Variants in DCC observed in about 807,000 individuals in gnomAD.
DCC encodes netrin receptor DCC.
DCC carries 58 observed loss-of-function variants against 172.5 expected under a neutral mutation model. The ratio of observed to expected loss-of-function variants is 0.34; its 90% CI spans 0.27 to 0.42. The LOEUF (loss-of-function observed/expected upper bound fraction) is 0.42. Among genes scored for constraint, DCC ranks in the 10% least tolerant of loss-of-function variants. DCC has a pLI of 1.00. For missense variants in DCC, 1,740 were observed against 1,791.0 expected, an observed-to-expected ratio of 0.97 and a Z score of 0.51; for synonymous variants, 709 against 644.5, an observed-to-expected ratio of 1.10 and a Z score of -1.52.
intron 5 of DCC, among the ~76,000 whole-genome samples, chr18:53,020,256 GATTTGGC>G (rs2041861489): frequency 6.6e-6 from 1 of 152,100 alleles, no homozygotes; most frequent in African/African-American, 2.4e-5. Context: ...CTTTTGGCTT[GATTTGGC>G]CATAGATCAT....
rs1025519185 is a variant in DCC at position 52,637,593 on chromosome 18, A to T, written c.92-114461A>T. Among the ~76,000 whole-genome samples the T allele has an allele frequency of 1.2e-4, 18 of 152,344 alleles. No homozygotes were observed. In the East Asian group the frequency reaches 3.3e-3, roughly 28 times the overall value. ...CAGAGCTCAAAGACACGATCTTCGA[A>T]TTAGCCCAATCCAACAAAGGCAAAG... On this transcript the variant is annotated intron_variant, in intron 1 of 28. Coordinates refer to ENST00000442544, the MANE Select transcript of DCC (RefSeq NM_005215.4).
At chr18:52,954,445 G>T (rs1005461990) in intron 5 of DCC, among the ~76,000 whole-genome samples, 8 of 151,978 alleles carry the variant, frequency 5.3e-5, no homozygotes, top group Non-Finnish European at 1.2e-4. Context: ...TCTGCCAATA[G>T]TCATTTGGGG....
chr18:53,521,360 G>T (rs1318127189), intron 27 of DCC, among the ~76,000 whole-genome samples: 1 of 152,106 alleles, frequency 6.6e-6, no homozygotes, highest in African/African-American at 2.4e-5. Flanking sequence ...GTAATAATAG[G>T]AGTGTGGTTG....
At chr18:52,709,536 T>A (rs1020115998) in intron 1 of DCC, among the ~76,000 whole-genome samples, 1 of 152,186 alleles carries the variant, frequency 6.6e-6, no homozygotes, top group Non-Finnish European at 1.5e-5. Flanking sequence ...GGAAGGAACT[T>A]GACCTGTGTG....
At chr18:53,425,757 T>C (rs1270470088) in intron 21 of DCC, among the ~76,000 whole-genome samples, 1 of 152,148 alleles carries the variant, frequency 6.6e-6, no homozygotes, top group Non-Finnish European at 1.5e-5. Context: ...AAACCCTGTG[T>C]TTATTCATCT....
At position 53,428,183 on chromosome 18, in the gene DCC, T is replaced by A. The variant is rs1480784847; in HGVS notation, c.3164-6961T>A. Among the ~76,000 whole-genome samples, 4 of 47,540 alleles carry A rather than the reference T, an allele frequency of 8.4e-5. 1 individual carries two copies. Among genetic ancestry groups the A allele is most frequent in the Non-Finnish European group, 1.9e-4 (4 of 20,604 alleles). 31.2% of individuals were successfully genotyped at this position (47,540 alleles called of 152,430 possible). On this transcript the variant is annotated intron_variant, in intron 21 of 28. Transcript: ENST00000442544. ...ATAATAATATATAATATGTAATATA[T>A]AATATAGAATATATAATATTATATA...
intron 5 of DCC, among the ~76,000 whole-genome samples, chr18:53,058,443 C>G (rs1015142729): frequency 6.6e-6 from 1 of 151,988 alleles, no homozygotes; most frequent in African/African-American, 2.4e-5. Context: ...TAAAATGGTA[C>G]TTCCCATTAC....
At chr18:53,323,594 G>T (rs1471288374) in intron 14 of DCC, among the ~76,000 whole-genome samples, 1 of 152,114 alleles carries the variant, frequency 6.6e-6, no homozygotes, top group Non-Finnish European at 1.5e-5. Context: ...GTTAAAACCT[G>T]ATTGGGTACT....
chr18:53,446,577 G>A (rs369418545), intron 22 of DCC, among the ~76,000 whole-genome samples: 2 of 152,190 alleles, frequency 1.3e-5, no homozygotes, highest in East Asian at 1.9e-4. Context: ...GTCTTTTGAT[G>A]TATTAAGATA....
intron 2 of DCC, among the ~76,000 whole-genome samples, chr18:52,848,203 A>C (rs2038925373): frequency 6.8e-6 from 1 of 147,012 alleles, no homozygotes; most frequent in African/African-American, 2.5e-5. Flanking sequence ...CTCCTGCCCC[A>C]GCCTCCGGAG....
rs1440409224 is a variant in DCC, at chr18:53,322,032, A to C, written c.2054-15A>C. 1 of 1,490,250 alleles carries C rather than the reference A, an allele frequency of 6.7e-7. No homozygotes were observed. Among genetic ancestry groups the C allele is most frequent in the Non-Finnish European group, 9.4e-7 (1 of 1,066,958 alleles). 92.3% of individuals were successfully genotyped at this position (1,490,250 alleles called of 1,614,324 possible). A position where few individuals can be genotyped will look rare whatever the true frequency, so the allele number is the denominator to read the frequency against. On this transcript the variant is annotated splice_polypyrimidine_tract_variant and intron_variant, in intron 13 of 28. Transcript: ENST00000442544. ...ATAGTAACTTTCTTCCCCCCTGTGG[A>C]AAATTCTTTCATAGGACTGGAGAAA...
intron 1 of DCC, among the ~76,000 whole-genome samples, chr18:52,723,226 T>C (rs1043018011): frequency 2.0e-5 from 3 of 152,236 alleles, no homozygotes; most frequent in Non-Finnish European, 4.4e-5. Flanking sequence ...ATTCTTAGGC[T>C]GTGTCTTTAT....
intron 12 of DCC, 23 bp from the exon 13 acceptor site, chr18:53,305,555 A>C (rs1197054817): frequency 1.3e-6 from 2 of 1,596,454 alleles, no homozygotes; most frequent in Admixed American, 3.3e-5. Flanking sequence ...TCAATGTTTT[A>C]ATTTACACCT....
intron 1 of DCC, among the ~76,000 whole-genome samples, chr18:52,534,467 A>C (rs2032234973): frequency 1.3e-5 from 2 of 152,166 alleles, no homozygotes; most frequent in Admixed American, 6.6e-5. Context: ...GCTTGCCCTA[A>C]TGAGAAATTT....
At chr18:53,120,806 G>A (rs1252760960) in intron 7 of DCC, among the ~76,000 whole-genome samples, 2 of 151,832 alleles carry the variant, frequency 1.3e-5, no homozygotes, top group Non-Finnish European at 2.9e-5. Context: ...GGAGGAGAAT[G>A]TTCATGATAG....
intron 1 of DCC, among the ~76,000 whole-genome samples, chr18:52,364,716 G>A (rs946506024): frequency 3.0e-4 from 46 of 152,180 alleles, no homozygotes; most frequent in African/African-American, 1.1e-3. Context: ...CTTCTCACCT[G>A]TTGCTTACTC....
chr18:53,120,827 T>A (rs1046043817), intron 7 of DCC, among the ~76,000 whole-genome samples: 4 of 151,790 alleles, frequency 2.6e-5, no homozygotes, highest in African/African-American at 4.8e-5. Flanking sequence ...AGAATATGTT[T>A]TACAGTTAGA....
At chr18:52,778,217 AGAGT>A (rs2037468565) in intron 2 of DCC, among the ~76,000 whole-genome samples, 1 of 152,222 alleles carries the variant, frequency 6.6e-6, no homozygotes, top group Non-Finnish European at 1.5e-5. Context: ...TTTTCGATAG[AGAGT>A]GAAACTATTG....
intron 3 of DCC, among the ~76,000 whole-genome samples, chr18:52,914,656 A>G (rs1292197055): frequency 2.0e-5 from 1 of 49,878 alleles, no homozygotes; most frequent in African/African-American, 4.7e-5. Flanking sequence ...TATTCTAAAC[A>G]CAGAGTTAGG....
Sources: allele counts gnomAD v4.1 joint callset (sites outside exome capture counted in the v4.1 genomes callset), GRCh38; gene constraint gnomAD v4.1.1; transcripts MANE v1.5; gene names NCBI Gene and HGNC (gene_info 2026-07-23, HGNC 2026-07-21).